EFNA5: variants seen among roughly 807,000 people sequenced by gnomAD.
EFNA5 encodes ephrin A5, also known as ephrin-A5.
Under a neutral mutation model 22.9 loss-of-function variants are expected in EFNA5, and 5 were observed. The ratio of observed to expected loss-of-function variants is 0.22; its 90% CI spans 0.11 to 0.46. The LOEUF is 0.46. Among genes scored for constraint, EFNA5 ranks in the 20% least tolerant of loss-of-function variants. EFNA5 has a pLI of 0.99. For missense variants in EFNA5, 237 were observed against 293.3 expected (o/e 0.81, Z 1.40); for synonymous variants, 113 against 112.2 (o/e 1.01, Z -0.04).
rs561036451 is a variant in EFNA5 at position 107,415,505 on chromosome 5, C to T, written c.418+11712G>A. On this transcript the variant is annotated intron_variant, in intron 2 of 4. Coordinates refer to ENST00000333274, the MANE Select transcript of EFNA5 (RefSeq NM_001962.3). Reference sequence around the variant, plus strand: ...GATTCCTTATCAGGAGAGGCGAGGCCAGTAAGAGAAGAAATCCACGTGAGC... The same window carrying T: ...GATTCCTTATCAGGAGAGGCGAGGCTAGTAAGAGAAGAAATCCACGTGAGC... 5.3e-5 allele frequency among the ~76,000 whole-genome samples: 8 copies of T among 152,210 alleles called. No individual in the cohort carries two copies. In the East Asian group the frequency reaches 1.4e-3, roughly 26 times the overall value.
chr5:107,465,082 A>G (rs1477685920), intron 1 of EFNA5, among the ~76,000 whole-genome samples: 1 of 151,458 alleles, frequency 6.6e-6, no homozygotes, highest in African/African-American at 2.4e-5. Flanking sequence ...TTTTTTTAAG[A>G]AAAACAATTC....
At chr5:107,662,261 C>T (rs1750979064) in intron 1 of EFNA5, among the ~76,000 whole-genome samples, 1 of 152,120 alleles carries the variant, frequency 6.6e-6, no homozygotes, top group Non-Finnish European at 1.5e-5. Flanking sequence ...ATTGCCTTTA[C>T]ACTACATCTA....
intron 1 of EFNA5, among the ~76,000 whole-genome samples, chr5:107,568,525 T>A (rs1748709998): frequency 6.6e-6 from 1 of 152,140 alleles, no homozygotes; most frequent in Non-Finnish European, 1.5e-5. Flanking sequence ...GGTAAAGCCA[T>A]CAGGAAAGAA....
chr5:107,413,293 T>C (rs1006070276), intron 2 of EFNA5, among the ~76,000 whole-genome samples: 2 of 152,226 alleles, frequency 1.3e-5, no homozygotes, highest in African/African-American at 2.4e-5. Context: ...GACTGTTGTC[T>C]AACCCAATAC....
chr5:107,665,848 G>A (rs375256231), intron 1 of EFNA5, among the ~76,000 whole-genome samples: 7 of 151,960 alleles, frequency 4.6e-5, no homozygotes, highest in East Asian at 3.9e-4. Flanking sequence ...GTCAATTCAC[G>A]TCTCTTATAA....
rs144500605 is a variant in EFNA5 at position 107,547,078 on chromosome 5, T to C, written c.126-119569A>G. On this transcript the variant is annotated intron_variant, in intron 1 of 4. Coordinates refer to ENST00000333274, the MANE Select transcript of EFNA5 (RefSeq NM_001962.3). The stretch of plus-strand genomic sequence containing the variant: ...AAACTGACAACCAAGCAACCACCAG[T>C]GGACTGTTTCAATCAAGCTGCAAAA... 3.2e-3 allele frequency among the ~76,000 whole-genome samples: 494 copies of C among 152,234 alleles called. 1 individual carries two copies. The highest frequency in any genetic ancestry group is 0.011 in the African/African-American group (469 of 41,526).
At chr5:107,584,565 A>G (rs1749137053) in intron 1 of EFNA5, among the ~76,000 whole-genome samples, 1 of 152,204 alleles carries the variant, frequency 6.6e-6, no homozygotes, top group African/African-American at 2.4e-5. Context: ...TGCCTTCAGA[A>G]TCTTGCCAGT....
At chr5:107,429,707 G>A (rs1289503438) in intron 1 of EFNA5, among the ~76,000 whole-genome samples, 1 of 152,130 alleles carries the variant, frequency 6.6e-6, no homozygotes, top group African/African-American at 2.4e-5. Flanking sequence ...GCTGCTTCAA[G>A]CCTTAGATAA....
intron 1 of EFNA5, among the ~76,000 whole-genome samples, chr5:107,476,519 G>A (rs756853102): frequency 7.9e-5 from 12 of 152,030 alleles, no homozygotes; most frequent in Non-Finnish European, 1.5e-4. Context: ...TTCTATTCCT[G>A]CTGTTTCTCC....
At chr5:107,462,782 C>G (rs1386929072) in intron 1 of EFNA5, among the ~76,000 whole-genome samples, 1 of 152,124 alleles carries the variant, frequency 6.6e-6, no homozygotes, top group Non-Finnish European at 1.5e-5. Flanking sequence ...TCAGCTAAAC[C>G]AAGTTTGGTT....
intron 1 of EFNA5, among the ~76,000 whole-genome samples, chr5:107,434,475 C>T (rs1561384600): frequency 1.3e-5 from 2 of 152,184 alleles, no homozygotes; most frequent in Non-Finnish European, 2.9e-5. Context: ...TGCAGTCTTC[C>T]TCCTTTCATT....
intron 1 of EFNA5, among the ~76,000 whole-genome samples, chr5:107,509,485 A>ATTTTTTT (rs35228224): frequency 8.0e-6 from 1 of 125,242 alleles, no homozygotes; most frequent in Non-Finnish European, 1.7e-5. Context: ...TGCTTGGCTA[A>ATTTTTTT]TTTTTTTTTT....
At chr5:107,641,250 C>T (rs777056176) in intron 1 of EFNA5, among the ~76,000 whole-genome samples, 63 of 151,480 alleles carry the variant, frequency 4.2e-4, no homozygotes, top group Non-Finnish European at 7.8e-4. Flanking sequence ...CCCAGCTACT[C>T]GGGAGGCTGA....
At chr5:107,466,875 C>A (rs1750001538) in intron 1 of EFNA5, among the ~76,000 whole-genome samples, 1 of 152,116 alleles carries the variant, frequency 6.6e-6, no homozygotes, top group South Asian at 2.1e-4. Context: ...AGGCGCTATA[C>A]TAGGCTAAGA....
At chr5:107,404,943 AG>A (rs1192308573) in intron 2 of EFNA5, among the ~76,000 whole-genome samples, 1 of 152,246 alleles carries the variant, frequency 6.6e-6, no homozygotes, top group East Asian at 1.9e-4. Flanking sequence ...GTGCATGTCA[AG>A]AAAAAGCCTT....
At chr5:107,530,381 G>A (rs905196710) in intron 1 of EFNA5, among the ~76,000 whole-genome samples, 1 of 152,152 alleles carries the variant, frequency 6.6e-6, no homozygotes, top group Non-Finnish European at 1.5e-5. Flanking sequence ...ACATAGCCAC[G>A]CCAAATTTCA....
At chr5:107,466,869 G>A (rs1016330750) in intron 1 of EFNA5, among the ~76,000 whole-genome samples, 44 of 152,240 alleles carry the variant, frequency 2.9e-4, no homozygotes, top group East Asian at 1.9e-3. Flanking sequence ...AATGGAAGGC[G>A]CTATACTAGG....
At chr5:107,633,103 T>C (rs113552230) in intron 1 of EFNA5, among the ~76,000 whole-genome samples, 3,641 of 152,242 alleles carry the variant, frequency 0.024, 146 homozygotes, top group African/African-American at 0.083. Context: ...ATTGAGGTCA[T>C]TTTTTAAAAT....
At chr5:107,546,082 C>T (rs143765229) in intron 1 of EFNA5, among the ~76,000 whole-genome samples, 1 of 152,176 alleles carries the variant, frequency 6.6e-6, no homozygotes, top group African/African-American at 2.4e-5. Flanking sequence ...GAGATGGGGG[C>T]TGTTTTCCAT....
Sources: allele counts gnomAD v4.1 joint callset (sites outside exome capture counted in the v4.1 genomes callset), GRCh38; gene constraint gnomAD v4.1.1; transcripts MANE v1.5; gene names NCBI Gene and HGNC (gene_info 2026-07-23, HGNC 2026-07-21).